The following ANKRD27 variants were observed in gnomAD, a reference collection of about 807,000 sequenced individuals.
The protein encoded by ANKRD27 is ankyrin repeat domain-containing protein 27.
ANKRD27 carries 112 observed loss-of-function variants against 129.7 expected under a neutral mutation model. The observed-to-expected ratio is 0.86, with a 90% CI of 0.74 to 1.01. The LOEUF is 1.01. ANKRD27 is among the 50% of genes least tolerant of loss of function. ANKRD27 has a pLI of 0.00. For missense variants in ANKRD27, 1,258 were observed against 1,300.5 expected, an observed-to-expected ratio of 0.97 and a Z score of 0.50; for synonymous variants, 516 against 511.2, an observed-to-expected ratio of 1.01 and a Z score of -0.13.
intron 1 of ANKRD27, among the ~76,000 whole-genome samples, chr19:32,668,278 A>G (rs1967798328): frequency 6.6e-6 from 1 of 152,072 alleles, no homozygotes; most frequent in Non-Finnish European, 1.5e-5. Context: ...TTAGCCTCCT[A>G]AAGTGCCACA....
chr19:32,608,500 A>T, intron 22 of ANKRD27: 3 of 235,154 alleles, frequency 1.3e-5, no homozygotes, highest in South Asian at 8.3e-5. Context: ...TAAAAATGTT[A>T]CCTCTTTAAA....
In ANKRD27 at chr19:32,622,470, G is replaced by T. The variant is rs1437398857; in HGVS notation, c.1779C>A (p.Ile593=). 1 of 1,613,762 alleles carries T rather than the reference G, an allele frequency of 6.2e-7. No homozygotes were observed. The highest frequency in any genetic ancestry group is 1.3e-5 in the African/African-American group (1 of 74,912). Residue 593 remains isoleucine (I), a synonymous_variant, in exon 18 of 29, where the codon ATC becomes ATA. Coordinates refer to ENST00000306065, the MANE Select transcript of ANKRD27 (RefSeq NM_032139.3). ...GGGGCGTCTCCTTCAGTCTGTTCTG[G>T]ATCTCGGTGGACGCTCCGTTCTGCA... The part of the protein sequence containing the change: ...TLLQNGASTE[I]QNRLKETPLK...
intron 1 of ANKRD27, among the ~76,000 whole-genome samples, chr19:32,662,311 C>CA (rs34066529): frequency 0.56 from 21,098 of 37,632 alleles, 4,819 homozygotes; most frequent in South Asian, 0.6. Context: ...ACTCAGTCTC[C>CA]AAAAAAAAAA....
At chr19:32,617,735 C>T in intron 20 of ANKRD27, 102 bp from the exon 21 acceptor site, 7 of 473,480 alleles carry the variant, frequency 1.5e-5, no homozygotes, top group South Asian at 9.0e-5. Context: ...GATTTGTGGA[C>T]TTTTAACGTC....
At chr19:32,616,306 A>AT (rs1237040765) in intron 21 of ANKRD27, among the ~76,000 whole-genome samples, 1 of 152,102 alleles carries the variant, frequency 6.6e-6, no homozygotes, top group East Asian at 1.9e-4. Flanking sequence ...TAATCCCAGC[A>AT]TTTGGGGAGG....
chr19:32,637,126 C>T (rs1967105929), intron 12 of ANKRD27, among the ~76,000 whole-genome samples: 1 of 152,154 alleles, frequency 6.6e-6, no homozygotes, highest in South Asian at 2.1e-4. Flanking sequence ...GTGTCAATAA[C>T]GAATGAATGG....
At chr19:32,616,622 G>A (rs534009662) in intron 21 of ANKRD27, among the ~76,000 whole-genome samples, 18 of 151,332 alleles carry the variant, frequency 1.2e-4, no homozygotes, top group African/African-American at 3.6e-4. Flanking sequence ...GAACCTGTCC[G>A]TCAGAATCTA....
At chr19:32,668,168 T>C (rs114681577) in intron 1 of ANKRD27, among the ~76,000 whole-genome samples, 290 of 152,270 alleles carry the variant, frequency 1.9e-3, no homozygotes, top group African/African-American at 6.6e-3. Context: ...TTCATTTATT[T>C]ATGAGTTGGG....
In ANKRD27 at chr19:32,619,965, C is replaced by T. The variant is rs189213940; in HGVS notation, c.1828-412G>A. Among the ~76,000 whole-genome samples the T allele has an allele frequency of 3.7e-4, 57 of 152,212 alleles. 1 individual carries two copies. In the East Asian group the frequency reaches 0.011, roughly 29 times the overall value. ...GTCTCAAGTAGGAACAGCTCAGAGCCAAGCCGAGAAGGCAGCCTCTCTTTT... is the reference window on the plus strand; with the variant it reads ...GTCTCAAGTAGGAACAGCTCAGAGCTAAGCCGAGAAGGCAGCCTCTCTTTT... On this transcript the variant is annotated intron_variant, in intron 18 of 28. Coordinates refer to ENST00000306065, the MANE Select transcript of ANKRD27 (RefSeq NM_032139.3).
At chr19:32,618,675 C>G (rs1971960462) in intron 20 of ANKRD27, among the ~76,000 whole-genome samples, 1 of 151,970 alleles carries the variant, frequency 6.6e-6, no homozygotes. Context: ...ATGGTAGGGT[C>G]AGTGAGGGTT....
At chr19:32,636,698 GA>G (rs1013271020) in intron 12 of ANKRD27, among the ~76,000 whole-genome samples, 2 of 144,860 alleles carry the variant, frequency 1.4e-5, no homozygotes, top group East Asian at 2.0e-4. Context: ...ATTCTTTTGG[GA>G]AAAAAACAGT....
intron 3 of ANKRD27, 92 bp downstream of exon 3, chr19:32,649,590 G>A: frequency 2.3e-6 from 2 of 869,398 alleles, no homozygotes; most frequent in Non-Finnish European, 3.9e-6. Context: ...ATTGCCAGTA[G>A]CTGTGAAAGG....
intron 17 of ANKRD27, among the ~76,000 whole-genome samples, chr19:32,622,847 A>G (rs1480793023): frequency 6.6e-6 from 1 of 151,864 alleles, no homozygotes. Flanking sequence ...ATGCAATAAT[A>G]GCTCACTGCA....
chr19:32,669,723 C>T (rs188198226), intron 1 of ANKRD27, among the ~76,000 whole-genome samples: 22 of 152,176 alleles, frequency 1.4e-4, no homozygotes, highest in African/African-American at 4.8e-4. Context: ...AGTGGTCGGG[C>T]GTGGTGGCTC....
At chr19:32,629,014 G>A (rs556580217) in intron 13 of ANKRD27, among the ~76,000 whole-genome samples, 165 bp from the exon 14 acceptor site, 25 of 152,138 alleles carry the variant, frequency 1.6e-4, no homozygotes, top group African/African-American at 4.8e-4. Context: ...TCTGCCTCCC[G>A]GGTTCAAGCC....
At chr19:32,630,968 C>A (rs34377680) in intron 13 of ANKRD27, among the ~76,000 whole-genome samples, 3,656 of 151,976 alleles carry the variant, frequency 0.024, 67 homozygotes, top group East Asian at 0.11. Context: ...TTCCTACTGC[C>A]CATTCTGAGC....
chr19:32,602,197 T>C lies in ANKRD27; in HGVS notation c.2656-71A>G. On this transcript the variant is annotated intron_variant, in intron 25 of 28. Coordinates refer to ENST00000306065, the MANE Select transcript of ANKRD27 (RefSeq NM_032139.3). ...TTAATAGGTTATTATTTGTTTTTGA[T>C]CTAAATGTCAGTATTAGTGTGACTG... 1.2e-5 allele frequency: 12 copies of C among 1,013,502 alleles called. No individual in the cohort carries two copies. The South Asian group carries it at 1.5e-4, about 13-fold the overall frequency. 62.8% of individuals were successfully genotyped at this position (1,013,502 alleles called of 1,614,324 possible). A position where few individuals can be genotyped will look rare whatever the true frequency, so the allele number is the denominator to read the frequency against.
At chr19:32,655,835 T>A (rs1967507004) in intron 2 of ANKRD27, among the ~76,000 whole-genome samples, 1 of 151,856 alleles carries the variant, frequency 6.6e-6, no homozygotes, top group African/African-American at 2.4e-5. Context: ...CTGCTCAACA[T>A]AGTGAAACCC....
chr19:32,643,367 G>A lies in ANKRD27; in HGVS notation c.640-15C>T, dbSNP rs1967238734. ...TGGACGTATATCTGTGGAATCAACA[G>A]ACCCCATTCAGGGTGTGAGCGGGCA... On this transcript the variant is annotated splice_polypyrimidine_tract_variant and intron_variant, in intron 7 of 28. Coordinates refer to ENST00000306065, the MANE Select transcript of ANKRD27 (RefSeq NM_032139.3). 1.9e-6 allele frequency: 3 copies of A among 1,613,716 alleles called. No homozygotes were observed. The highest frequency in any genetic ancestry group is 1.3e-5 in the African/African-American group (1 of 74,834).
Sources: allele counts gnomAD v4.1 joint callset (sites outside exome capture counted in the v4.1 genomes callset), GRCh38; gene constraint gnomAD v4.1.1; transcripts MANE v1.5; gene names NCBI Gene and HGNC (gene_info 2026-07-23, HGNC 2026-07-21).